EHBP1: variants seen among roughly 807,000 people sequenced by gnomAD.
EHBP1 encodes EH domain-binding protein 1.
In EHBP1, 55 loss-of-function variants were observed where a neutral mutation model predicts 144.0. The ratio of observed to expected loss-of-function variants is 0.38; its 90% CI spans 0.31 to 0.48. EHBP1 has a LOEUF of 0.48. Ranked by LOEUF, EHBP1 falls within the 20% of genes least tolerant of loss-of-function variation. The pLI is 0.98. For synonymous variants in EHBP1, 469 were observed against 472.7 expected, an observed-to-expected ratio of 0.99 and a Z score of 0.10; for missense variants, 1,200 against 1,364.2, an observed-to-expected ratio of 0.88 and a Z score of 1.90.
chr2:63,003,572 C>G (rs1394112594), intron 19 of EHBP1, among the ~76,000 whole-genome samples: 2 of 152,066 alleles, frequency 1.3e-5, no homozygotes, highest in Non-Finnish European at 2.9e-5. Context: ...CCTTGGTTGC[C>G]TTCCAAGCTT....
intron 10 of EHBP1, among the ~76,000 whole-genome samples, chr2:62,879,070 G>T (rs1030680436): frequency 6.7e-6 from 1 of 149,676 alleles, no homozygotes; most frequent in African/African-American, 2.4e-5. Context: ...TGCAGAAAAA[G>T]CTATCAATAA....
At chr2:62,914,446 G>A (rs529027727) in intron 10 of EHBP1, among the ~76,000 whole-genome samples, 55 of 151,970 alleles carry the variant, frequency 3.6e-4, no homozygotes, top group African/African-American at 1.1e-3. Context: ...TCAAAAATAC[G>A]TGAATATAAA....
chr2:62,859,390 A>G, intron 8 of EHBP1, 99 bp downstream of exon 8: 1 of 1,151,956 alleles, frequency 8.7e-7, no homozygotes, highest in Non-Finnish European at 1.2e-6. Flanking sequence ...ACACACAAAA[A>G]ATTATTGTTT....
At chr2:63,022,125 A>G (rs1368841084) in intron 19 of EHBP1, among the ~76,000 whole-genome samples, 2 of 152,142 alleles carry the variant, frequency 1.3e-5, no homozygotes, top group Non-Finnish European at 1.5e-5. Flanking sequence ...TGGATGCATT[A>G]CTGACCCTTG....
At chr2:62,737,209 C>G (rs948228359) in intron 2 of EHBP1, among the ~76,000 whole-genome samples, 20 of 152,130 alleles carry the variant, frequency 1.3e-4, no homozygotes, top group African/African-American at 4.8e-4. Context: ...TGAGTCAGGC[C>G]TCGTTAAGAA....
chr2:62,820,710 G>GGGGT (rs1553429680), intron 5 of EHBP1, among the ~76,000 whole-genome samples: 47 of 88,714 alleles, frequency 5.3e-4, no homozygotes, highest in African/African-American at 1.7e-3. Flanking sequence ...TATTCCATTG[G>GGGGT]GTGTGTGTGT....
At chr2:62,868,149 C>T (rs971173399) in intron 9 of EHBP1, among the ~76,000 whole-genome samples, 5 of 151,924 alleles carry the variant, frequency 3.3e-5, no homozygotes, top group Non-Finnish European at 7.4e-5. Context: ...CCGAGGCGGG[C>T]GGATCACTTT....
At position 62,865,866 on chromosome 2, in the gene EHBP1, G is replaced by A. The variant is rs951241980; in HGVS notation, c.998+895G>A. Reference sequence around the variant, plus strand: ...AAGGAGATAGAGTTTGGACTTGGGAGTACTGAGGTGACCAGAATTTGTAGA... The same window carrying A: ...AAGGAGATAGAGTTTGGACTTGGGAATACTGAGGTGACCAGAATTTGTAGA... On this transcript the variant is annotated intron_variant, in intron 9 of 22. Transcript: ENST00000431489. Among the ~76,000 whole-genome samples, 3 of 152,192 alleles carry A rather than the reference G, an allele frequency of 2.0e-5. No homozygotes were observed. In the South Asian group the frequency reaches 6.2e-4, roughly 32 times the overall value.
intron 8 of EHBP1, among the ~76,000 whole-genome samples, chr2:62,863,402 G>A (rs966366045): frequency 1.3e-5 from 2 of 151,528 alleles, no homozygotes; most frequent in Admixed American, 6.6e-5. Context: ...AGACCGTGCC[G>A]CTGCACTACA....
Position 63,000,498 on chromosome 2 carries a change from C to G in EHBP1, c.3103+3732C>G, listed in dbSNP as rs539445391. 5.9e-5 allele frequency among the ~76,000 whole-genome samples: 9 copies of G among 151,988 alleles called. No individual in the cohort carries two copies. In the South Asian group the frequency reaches 6.2e-4, roughly 11 times the overall value. On this transcript the variant is annotated intron_variant, in intron 19 of 22. Transcript: ENST00000431489. ...ATCACCTGAGGTCTGGAGTTCGAGA[C>G]CAGCCTGGCTAACATGGTGAAACCC...
chr2:62,714,597 T>C (rs2035485001), intron 2 of EHBP1, among the ~76,000 whole-genome samples: 1 of 152,202 alleles, frequency 6.6e-6, no homozygotes, highest in Non-Finnish European at 1.5e-5. Context: ...TTAAGTAAGA[T>C]AATACCTGTA....
intron 2 of EHBP1, among the ~76,000 whole-genome samples, chr2:62,715,745 G>T (rs545565671): frequency 6.6e-6 from 1 of 152,296 alleles, no homozygotes; most frequent in South Asian, 2.1e-4. Flanking sequence ...ACTGGGGGAT[G>T]ATGGGTAACA....
intron 1 of EHBP1, among the ~76,000 whole-genome samples, chr2:62,700,394 C>T (rs1280198631): frequency 1.3e-5 from 2 of 152,002 alleles, no homozygotes; most frequent in African/African-American, 2.4e-5. Flanking sequence ...GCAGGAACTG[C>T]ATCTCAATTG....
chr2:62,769,088 A>G (rs1343942725), intron 4 of EHBP1, among the ~76,000 whole-genome samples: 2 of 152,218 alleles, frequency 1.3e-5, no homozygotes, highest in Non-Finnish European at 2.9e-5. Flanking sequence ...ATTCCCTTTG[A>G]AAACCGGCAC....
chr2:62,720,875 T>A (rs1459402433), intron 2 of EHBP1, among the ~76,000 whole-genome samples: 1 of 152,154 alleles, frequency 6.6e-6, no homozygotes, highest in Non-Finnish European at 1.5e-5. Context: ...TAAGAAAGTT[T>A]GTGATTTTGT....
chr2:62,907,327 A>C (rs1317977954), intron 10 of EHBP1, among the ~76,000 whole-genome samples: 1 of 152,138 alleles, frequency 6.6e-6, no homozygotes, highest in African/African-American at 2.4e-5. Context: ...TATTTTAGCT[A>C]TTCTGATAGG....
intron 10 of EHBP1, among the ~76,000 whole-genome samples, chr2:62,932,010 C>G (rs1210130988): frequency 6.6e-5 from 10 of 151,936 alleles, no homozygotes; most frequent in Middle Eastern, 6.8e-3. Flanking sequence ...AATCCCATCT[C>G]TACTAAAAAT....
intron 13 of EHBP1, among the ~76,000 whole-genome samples, chr2:62,951,251 CAG>C (rs1317223999): frequency 1.3e-5 from 2 of 152,264 alleles, no homozygotes; most frequent in Admixed American, 6.5e-5. Context: ...ACCTGGATGA[CAG>C]AGAGTGTAAG....
intron 2 of EHBP1, among the ~76,000 whole-genome samples, chr2:62,713,211 T>C (rs2035327872): frequency 6.6e-6 from 1 of 151,558 alleles, no homozygotes; most frequent in Admixed American, 6.6e-5. Context: ...CCAAGAATAA[T>C]GGGAGGAGAA....
Sources: allele counts gnomAD v4.1 joint callset (sites outside exome capture counted in the v4.1 genomes callset), GRCh38; gene constraint gnomAD v4.1.1; transcripts MANE v1.5; gene names NCBI Gene and HGNC (gene_info 2026-07-23, HGNC 2026-07-21).